The following DLC1 variants were observed in gnomAD, a reference collection of about 807,000 sequenced individuals.
DLC1 encodes the protein DLC1 Rho GTPase activating protein, also known as rho GTPase-activating protein 7.
DLC1 carries 54 observed loss-of-function variants against 140.3 expected under a neutral mutation model. That is an observed-to-expected ratio of 0.38 (90% CI 0.31 to 0.48). DLC1 has a LOEUF of 0.48. Ranked by LOEUF, DLC1 falls within the 20% of genes least tolerant of loss-of-function variation. The pLI, the probability that DLC1 is intolerant of heterozygous loss-of-function variation, is 0.96. For synonymous variants in DLC1, 986 were observed against 728.1 expected, an observed-to-expected ratio of 1.35 and a Z score of -5.70; for missense variants, 2,536 against 1,907.0, an observed-to-expected ratio of 1.33 and a Z score of -6.14.
chr8:13,151,163 C>T (rs1823779275), intron 5 of DLC1, among the ~76,000 whole-genome samples: 1 of 152,132 alleles, frequency 6.6e-6, no homozygotes, highest in East Asian at 1.9e-4. Flanking sequence ...AGAAAGTGGA[C>T]TCGAAAACAT....
intron 5 of DLC1, among the ~76,000 whole-genome samples, chr8:13,136,798 G>A (rs1822593480): frequency 6.6e-6 from 1 of 152,190 alleles, no homozygotes; most frequent in Non-Finnish European, 1.5e-5. Context: ...GCCTCCCAAA[G>A]TGTTGGGATT....
chr8:13,120,356 A>AAAAAAATATATATATATATATATATAT, intron 5 of DLC1, among the ~76,000 whole-genome samples: 1 of 61,136 alleles, frequency 1.6e-5, no homozygotes, highest in East Asian at 7.2e-4. Context: ...AAAAAAAAAA[A>AAAAAAATATATATATATATATATATAT]ATATATATAT....
At chr8:13,272,559 C>T (rs1487164461) in intron 5 of DLC1, among the ~76,000 whole-genome samples, 2 of 152,026 alleles carry the variant, frequency 1.3e-5, no homozygotes, top group African/African-American at 2.4e-5. Context: ...CACACAATAC[C>T]TTTAAAAATA....
At position 13,440,876 on chromosome 8, in the gene DLC1, C is replaced by A. The variant is rs776422353; in HGVS notation, c.1024-39257G>T. 4.8e-4 allele frequency among the ~76,000 whole-genome samples: 73 copies of A among 152,142 alleles called. 1 individual carries two copies. Among genetic ancestry groups the A allele is most frequent in the Non-Finnish European group, 2.1e-4 (14 of 68,034 alleles). Reference sequence around the variant, plus strand: ...GCCGTGATTCTGAGGCCTCTCCAGCCATGTGGAACTGTAAATCCAATTAAA... The same window carrying A: ...GCCGTGATTCTGAGGCCTCTCCAGCAATGTGGAACTGTAAATCCAATTAAA... On this transcript the variant is annotated intron_variant, in intron 2 of 17. Transcript: ENST00000276297.
chr8:13,331,732 A>G (rs1833597833), intron 4 of DLC1, among the ~76,000 whole-genome samples: 1 of 152,196 alleles, frequency 6.6e-6, no homozygotes, highest in Non-Finnish European at 1.5e-5. Context: ...CTGAAACTCA[A>G]TATTTTCTAC....
At chr8:13,588,128 T>G (rs1805393480) in intron 1 of DLC1, among the ~76,000 whole-genome samples, 1 of 152,070 alleles carries the variant, frequency 6.6e-6, no homozygotes, top group Non-Finnish European at 1.5e-5. Flanking sequence ...CTGCAAGGAT[T>G]CATGGTTCTA....
chr8:13,413,687 C>T (rs541527526), intron 2 of DLC1, among the ~76,000 whole-genome samples: 2 of 152,042 alleles, frequency 1.3e-5, no homozygotes, highest in African/African-American at 4.8e-5. Context: ...CTCACACGAT[C>T]TGATGGTTTT....
intron 1 of DLC1, among the ~76,000 whole-genome samples, chr8:13,573,069 G>A (rs11783751): frequency 0.13 from 20,096 of 152,052 alleles, 1,568 homozygotes; most frequent in Middle Eastern, 0.21. Context: ...GGGTAATATT[G>A]TCATCACAAC....
chr8:13,116,288 T>C (rs1000675258), intron 5 of DLC1: 22 of 940,190 alleles, frequency 2.3e-5, no homozygotes, highest in Non-Finnish European at 2.7e-5. Flanking sequence ...ATAAAGCTTC[T>C]ACCTCCCTGT....
In DLC1 at chr8:13,326,823, C is replaced by G. The variant is rs113800316; in HGVS notation, c.1315-21521G>C. Among the ~76,000 whole-genome samples the G allele has an allele frequency of 7.6e-3, 1,150 of 152,292 alleles. 9 individuals carry two copies. The highest frequency in any genetic ancestry group is 0.013 in the Non-Finnish European group (903 of 68,038). ...GCAGCACTGCTCCGGCTCTAGGAAT[C>G]ATATTTTGAGAAGTACCGAGCTAGG... On this transcript the variant is annotated intron_variant, in intron 4 of 17. Transcript: ENST00000276297.
intron 5 of DLC1, among the ~76,000 whole-genome samples, chr8:13,250,205 C>T (rs144622000): frequency 9.0e-4 from 137 of 152,266 alleles, no homozygotes; most frequent in African/African-American, 3.1e-3. Flanking sequence ...ATTCATATTG[C>T]CTCTTTATTG....
At chr8:13,418,500 C>G (rs1308068516) in intron 2 of DLC1, among the ~76,000 whole-genome samples, 1 of 152,010 alleles carries the variant, frequency 6.6e-6, no homozygotes, top group Non-Finnish European at 1.5e-5. Context: ...GTTTTTGTCA[C>G]ATGTGTCAAA....
At position 13,480,283 on chromosome 8, in the gene DLC1, G is replaced by T. The variant is rs1287195406; in HGVS notation, c.1023+18766C>A. Among the ~76,000 whole-genome samples, 3 of 152,092 alleles carry T rather than the reference G, an allele frequency of 2.0e-5. No homozygotes were observed. The East Asian group carries it at 5.8e-4, about 29-fold the overall frequency. ...CTTAAAAATATATGCACGACAATGT[G>T]ATTAAGTTATTCAGGGAGATATGTA... is the stretch of plus-strand genomic sequence containing the variant. On this transcript the variant is annotated intron_variant, in intron 2 of 17. Coordinates refer to ENST00000276297, the MANE Select transcript of DLC1 (RefSeq NM_182643.3).
intron 4 of DLC1, among the ~76,000 whole-genome samples, chr8:13,311,913 C>G (rs1309406461): frequency 1.3e-5 from 2 of 152,138 alleles, no homozygotes; most frequent in Non-Finnish European, 2.9e-5. Context: ...GCTGGTGACT[C>G]TGTCTTCAAC....
chr8:13,237,203 G>A (rs994621568), intron 5 of DLC1, among the ~76,000 whole-genome samples: 1 of 127,160 alleles, frequency 7.9e-6, no homozygotes, highest in African/African-American at 2.8e-5. Context: ...ATATATGTGT[G>A]TGTGTGTGTG....
At chr8:13,177,763 A>G (rs1242302684) in intron 5 of DLC1, among the ~76,000 whole-genome samples, 1 of 152,212 alleles carries the variant, frequency 6.6e-6, no homozygotes, top group South Asian at 2.1e-4. Context: ...TCTTGGACAG[A>G]GAATCATGTA....
chr8:13,411,431 G>T (rs289614), intron 2 of DLC1, among the ~76,000 whole-genome samples: 1,680 of 152,268 alleles, frequency 0.011, 27 homozygotes, highest in African/African-American at 0.039. Context: ...GAGTTTTAGG[G>T]CAGTGAAACT....
intron 5 of DLC1, among the ~76,000 whole-genome samples, chr8:13,144,329 A>G (rs1409151561): frequency 6.6e-6 from 1 of 152,146 alleles, no homozygotes; most frequent in African/African-American, 2.4e-5. Context: ...TCAGACTGAG[A>G]GTTACCACTG....
intron 1 of DLC1, among the ~76,000 whole-genome samples, chr8:13,545,747 G>C (rs749073444): frequency 3.3e-5 from 5 of 151,766 alleles, no homozygotes; most frequent in Non-Finnish European, 7.4e-5. Flanking sequence ...TGACATAGTT[G>C]AAAAAAACAA....
Sources: allele counts gnomAD v4.1 joint callset (sites outside exome capture counted in the v4.1 genomes callset), GRCh38; gene constraint gnomAD v4.1.1; transcripts MANE v1.5; gene names NCBI Gene and HGNC (gene_info 2026-07-23, HGNC 2026-07-21).